Variants in DSCAM observed in about 807,000 individuals in gnomAD.
DSCAM encodes the protein cell adhesion molecule DSCAM.
Under a neutral mutation model 217.7 loss-of-function variants are expected in DSCAM, and 47 were observed. The ratio of observed to expected loss-of-function variants is 0.22; its 90% CI spans 0.17 to 0.28. DSCAM has a LOEUF of 0.28. Among genes scored for constraint, DSCAM ranks in the 10% least tolerant of loss-of-function variants. DSCAM has a pLI of 1.00. For synonymous variants in DSCAM, 1,056 were observed against 1,015.3 expected (o/e 1.04, Z -0.76); for missense variants, 2,080 against 2,618.3 (o/e 0.79, Z 4.49).
At chr21:40,543,418 G>T (rs1181892553) in intron 3 of DSCAM, among the ~76,000 whole-genome samples, 7 of 152,186 alleles carry the variant, frequency 4.6e-5, no homozygotes, top group Non-Finnish European at 1.0e-4. Context: ...AGGTCACAGA[G>T]CATTGGCCTC....
intron 1 of DSCAM, among the ~76,000 whole-genome samples, chr21:40,772,015 G>A (rs1334139041): frequency 1.3e-5 from 2 of 152,154 alleles, no homozygotes; most frequent in African/African-American, 2.4e-5. Flanking sequence ...ATTCACTTTT[G>A]CTACACATGC....
chr21:40,293,917 A>C (rs1239346445), intron 10 of DSCAM, among the ~76,000 whole-genome samples: 1 of 152,234 alleles, frequency 6.6e-6, no homozygotes, highest in Admixed American at 6.5e-5. Context: ...ATAAGCCAGC[A>C]ACAATCATCA....
chr21:40,114,755 A>T (rs948596043), intron 20 of DSCAM, among the ~76,000 whole-genome samples: 1 of 152,262 alleles, frequency 6.6e-6, no homozygotes, highest in Non-Finnish European at 1.5e-5. Flanking sequence ...TGGGTGAAGG[A>T]TACGAACAGA....
At chr21:40,727,685 T>C (rs533098579) in intron 1 of DSCAM, among the ~76,000 whole-genome samples, 11 of 152,154 alleles carry the variant, frequency 7.2e-5, no homozygotes, top group Non-Finnish European at 5.9e-5. Flanking sequence ...GCTTCTACCC[T>C]GGTCCCCTAC....
chr21:40,498,007 G>A (rs1220242383), intron 3 of DSCAM, among the ~76,000 whole-genome samples: 1 of 152,142 alleles, frequency 6.6e-6, no homozygotes. Context: ...CACATGGTAG[G>A]TTGCATAGTA....
chr21:40,533,420 A>ATCTC (rs10627796), intron 3 of DSCAM, among the ~76,000 whole-genome samples: 20,090 of 152,082 alleles, frequency 0.13, 2,493 homozygotes, highest in African/African-American at 0.32. Context: ...GAATCCACCT[A>ATCTC]TCTATTTCCC....
At chr21:40,717,574 T>C (rs887563185) in intron 1 of DSCAM, among the ~76,000 whole-genome samples, 3 of 152,212 alleles carry the variant, frequency 2.0e-5, no homozygotes, top group East Asian at 1.9e-4. Flanking sequence ...GGCCACATAC[T>C]GTATGACTCC....
intron 15 of DSCAM, among the ~76,000 whole-genome samples, chr21:40,176,143 G>A (rs1275157373): frequency 6.6e-6 from 1 of 152,084 alleles, no homozygotes; most frequent in African/African-American, 2.4e-5. Flanking sequence ...GCACCAGGGA[G>A]GAAGGCATTC....
chr21:40,544,300 A>C (rs2076564518), intron 3 of DSCAM, among the ~76,000 whole-genome samples: 1 of 152,228 alleles, frequency 6.6e-6, no homozygotes, highest in South Asian at 2.1e-4. Flanking sequence ...GAAACTTCAC[A>C]TGAATAGCAG....
intron 1 of DSCAM, among the ~76,000 whole-genome samples, chr21:40,751,929 C>T (rs897317025): frequency 6.6e-6 from 1 of 152,170 alleles, no homozygotes; most frequent in African/African-American, 2.4e-5. Flanking sequence ...CCCATCTCCT[C>T]GGCCACTGAT....
intron 2 of DSCAM, among the ~76,000 whole-genome samples, chr21:40,704,612 T>C (rs548921650): frequency 3.3e-5 from 5 of 152,010 alleles, no homozygotes; most frequent in South Asian, 2.1e-4. Flanking sequence ...CCGCAGCTAC[T>C]TGGGAGGCTG....
At chr21:40,729,668 T>C (rs1441655888) in intron 1 of DSCAM, among the ~76,000 whole-genome samples, 1 of 152,226 alleles carries the variant, frequency 6.6e-6, no homozygotes, top group Non-Finnish European at 1.5e-5. Context: ...TCTTTTTTTG[T>C]TGTGTTCTAT....
chr21:40,770,005 C>A (rs981919885), intron 1 of DSCAM, among the ~76,000 whole-genome samples: 1 of 152,178 alleles, frequency 6.6e-6, no homozygotes, highest in African/African-American at 2.4e-5. Flanking sequence ...CTTCAAAATG[C>A]AATTGCAGGG....
chr21:40,724,925 T>A (rs990309260), intron 1 of DSCAM, among the ~76,000 whole-genome samples: 1 of 152,248 alleles, frequency 6.6e-6, no homozygotes, highest in African/African-American at 2.4e-5. Context: ...TCTTTCTTCA[T>A]GTAACGCACA....
intron 5 of DSCAM, among the ~76,000 whole-genome samples, chr21:40,349,135 T>A (rs142143362): frequency 0.076 from 1,160 of 15,276 alleles, 18 homozygotes; most frequent in Non-Finnish European, 0.099. Context: ...AGACTCCATC[T>A]CAAAAAAAAA....
chr21:40,821,388 C>CGG (rs1034720498), intron 1 of DSCAM, among the ~76,000 whole-genome samples: 31 of 115,222 alleles, frequency 2.7e-4, no homozygotes, highest in Non-Finnish European at 3.0e-4. Flanking sequence ...CACAGACACA[C>CGG]GCGCGCACAC....
intron 3 of DSCAM, among the ~76,000 whole-genome samples, chr21:40,517,402 G>GAAA (rs2076310761): frequency 2.4e-5 from 2 of 82,586 alleles, no homozygotes. Flanking sequence ...ACACACACAA[G>GAAA]CAACACACAC....
Position 40,778,965 on chromosome 21 carries a change from G to A in DSCAM, c.43+67654C>T, listed in dbSNP as rs911073959. 1.2e-4 allele frequency among the ~76,000 whole-genome samples: 18 copies of A among 150,352 alleles called. No homozygotes were observed. The East Asian group carries it at 1.6e-3, about 13-fold the overall frequency. On this transcript the variant is annotated intron_variant, in intron 1 of 32. Coordinates refer to ENST00000400454, the MANE Select transcript of DSCAM (RefSeq NM_001389.5). ...CTTGAATTCGGGAGGCAGAGGTTGC[G>A]GTGAGCTGACATCGTGCCATTGCAC... is the stretch of plus-strand genomic sequence containing the variant.
intron 16 of DSCAM, among the ~76,000 whole-genome samples, chr21:40,150,034 C>G (rs1215929276): frequency 1.3e-5 from 2 of 152,254 alleles, no homozygotes; most frequent in Non-Finnish European, 2.9e-5. Flanking sequence ...TCCACTTCCA[C>G]TTATTGAACA....
Sources: gnomAD v4.1 joint callset for allele counts (sites outside exome capture counted in the v4.1 genomes callset) on GRCh38, gnomAD v4.1.1 for gene constraint, MANE v1.5 for transcripts, NCBI Gene and HGNC (gene_info 2026-07-23, HGNC 2026-07-21) for gene names.